PRKN: variants seen among roughly 807,000 people sequenced by gnomAD.
PRKN encodes parkin RBR E3 ubiquitin protein ligase.
Under a neutral mutation model 59.5 loss-of-function variants are expected in PRKN, and 56 were observed. The ratio of observed to expected loss-of-function variants is 0.94; its 90% CI spans 0.76 to 1.18. The LOEUF (loss-of-function observed/expected upper bound fraction) is 1.18. PRKN is among the 50% of genes most tolerant of loss of function. The pLI is 0.00. For missense variants in PRKN, 657 were observed against 596.4 expected (o/e 1.10, Z -1.06); for synonymous variants, 250 against 222.1 (o/e 1.13, Z -1.12).
chr6:161,465,068 G>A (rs1353638052), intron 9 of PRKN, among the ~76,000 whole-genome samples: 1 of 152,206 alleles, frequency 6.6e-6, no homozygotes, highest in Non-Finnish European at 1.5e-5. Context: ...TTCAATCACT[G>A]ACTCTTGCAG....
rs368532739 is a variant in PRKN at position 161,812,151 on chromosome 6, C to T, written c.735-26243G>A. ...CCTACAATCCCAGTGCTTTGGGAAG[C>T]TGAGACGGGAGGACTGCTTGATCCC... On this transcript the variant is annotated intron_variant, in intron 6 of 11. Transcript: ENST00000366898. Among the ~76,000 whole-genome samples the T allele has an allele frequency of 2.6e-5, 4 of 152,182 alleles. No individual in the cohort carries two copies. The East Asian group carries it at 7.7e-4, about 29-fold the overall frequency.
At chr6:162,723,320 T>C (rs1584119623) in intron 1 of PRKN, among the ~76,000 whole-genome samples, 1 of 152,176 alleles carries the variant, frequency 6.6e-6, no homozygotes, top group Non-Finnish European at 1.5e-5. Context: ...AAAGATACTG[T>C]TTTTCATCTG....
chr6:162,500,289 A>C (rs1285802992), intron 1 of PRKN, among the ~76,000 whole-genome samples: 1 of 151,056 alleles, frequency 6.6e-6, no homozygotes, highest in African/African-American at 2.4e-5. Flanking sequence ...CTTGTGCCTC[A>C]GCCTCCTGAG....
At chr6:161,585,410 G>C (rs1194921255) in intron 7 of PRKN, among the ~76,000 whole-genome samples, 1 of 152,178 alleles carries the variant, frequency 6.6e-6, no homozygotes, top group African/African-American at 2.4e-5. Flanking sequence ...CAAATAATCA[G>C]TATTAGTAGA....
At chr6:162,053,573 C>T (rs551205502) in intron 5 of PRKN, among the ~76,000 whole-genome samples, 1 of 152,030 alleles carries the variant, frequency 6.6e-6, no homozygotes, top group African/African-American at 2.4e-5. Context: ...TTACAAAGAA[C>T]AGAGGATGGT....
At chr6:161,543,751 C>A (rs895037447) in intron 9 of PRKN, among the ~76,000 whole-genome samples, 1 of 152,214 alleles carries the variant, frequency 6.6e-6, no homozygotes, top group Non-Finnish European at 1.5e-5. Flanking sequence ...ACATGTAATA[C>A]CCCAAGATAA....
chr6:162,508,420 T>C (rs979957697), intron 1 of PRKN, among the ~76,000 whole-genome samples: 1 of 152,236 alleles, frequency 6.6e-6, no homozygotes, highest in Non-Finnish European at 1.5e-5. Context: ...TAACATGATC[T>C]GCAAAAGCAA....
rs1342248592 is a variant in PRKN at position 161,546,275 on chromosome 6, A to G, written c.1083+2579T>C. ...ATACAGAGTTGCTCATATATACCCTATTTTAGAGATAAGGAAACCGAGAAA... is the reference window on the plus strand; with the variant it reads ...ATACAGAGTTGCTCATATATACCCTGTTTTAGAGATAAGGAAACCGAGAAA... On this transcript the variant is annotated intron_variant, in intron 9 of 11. Coordinates refer to ENST00000366898, the MANE Select transcript of PRKN (RefSeq NM_004562.3). This position sits in a 1 kb window ranked among gnomAD's most constrained non-coding sequence, Gnocchi z 4.4. 6.6e-6 allele frequency among the ~76,000 whole-genome samples: 1 copy of G among 152,184 alleles called. No individual in the cohort carries two copies. The highest frequency in any genetic ancestry group is 1.5e-5 in the Non-Finnish European group (1 of 68,028).
chr6:162,001,489 A>G (rs1272664980), intron 5 of PRKN, among the ~76,000 whole-genome samples: 2 of 151,596 alleles, frequency 1.3e-5, no homozygotes, highest in Non-Finnish European at 2.9e-5. Context: ...TGACGTTTGC[A>G]CATTAAACCT....
chr6:162,580,440 GAAAAA>G (rs56059992), intron 1 of PRKN, among the ~76,000 whole-genome samples: 15,233 of 120,572 alleles, frequency 0.13, 911 homozygotes, highest in Middle Eastern at 0.23. Context: ...CCCTGTCTCA[GAAAAA>G]AAAAAAAAAA....
At chr6:162,723,409 AG>A (rs1429933656) in intron 1 of PRKN, among the ~76,000 whole-genome samples, 1 of 152,220 alleles carries the variant, frequency 6.6e-6, no homozygotes, top group Admixed American at 6.5e-5. Flanking sequence ...AAGGGAGGGC[AG>A]GGCCACCAAG....
chr6:161,367,957 C>T (rs1420677239), intron 10 of PRKN, among the ~76,000 whole-genome samples: 1 of 152,120 alleles, frequency 6.6e-6, no homozygotes, highest in East Asian at 1.9e-4. Flanking sequence ...GGCCTGCGAG[C>T]AGTCGGTTCA....
rs528587415 is a variant in PRKN at position 162,317,659 on chromosome 6, T to C, written c.172-54894A>G. ...TTCTCTCTACAAAGAGCACAATCAC[T>C]GAAAGTAGTCTGCCTGAAGGATAGT... On this transcript the variant is annotated intron_variant, in intron 2 of 11. Transcript: ENST00000366898. Among the ~76,000 whole-genome samples, 213 of 152,148 alleles carry C rather than the reference T, an allele frequency of 1.4e-3. 1 individual carries two copies. The highest frequency in any genetic ancestry group is 2.0e-3 in the Non-Finnish European group (133 of 68,012).
chr6:161,481,867 T>C (rs995287486), intron 9 of PRKN, among the ~76,000 whole-genome samples: 1 of 151,540 alleles, frequency 6.6e-6, no homozygotes, highest in African/African-American at 2.4e-5. Context: ...GTTTGGGCAA[T>C]TTTTCAAAGA....
intron 7 of PRKN, among the ~76,000 whole-genome samples, chr6:161,785,007 C>T (rs745447705): frequency 7.9e-5 from 12 of 152,196 alleles, no homozygotes; most frequent in South Asian, 2.1e-4. Flanking sequence ...AAGGCAGACA[C>T]GAAAGGTCAC....
intron 2 of PRKN, among the ~76,000 whole-genome samples, chr6:162,280,796 C>CAA (rs35943173): frequency 0.34 from 14,161 of 41,158 alleles, 2,972 homozygotes; most frequent in South Asian, 0.46. Flanking sequence ...GACTCCATCT[C>CAA]AAAAAAAAAA....
chr6:161,424,893 G>A (rs1788261740), intron 9 of PRKN, among the ~76,000 whole-genome samples: 1 of 152,152 alleles, frequency 6.6e-6, no homozygotes, highest in Admixed American at 6.5e-5. Flanking sequence ...CAGCAGCCAC[G>A]ATGTGGGAAG....
intron 2 of PRKN, among the ~76,000 whole-genome samples, chr6:162,312,811 G>T (rs1177955125): frequency 6.6e-6 from 1 of 152,062 alleles, no homozygotes; most frequent in Non-Finnish European, 1.5e-5. Context: ...AAGATTCAAG[G>T]ATTTCCCTTG....
chr6:162,192,954 C>G (rs928641857), intron 4 of PRKN, among the ~76,000 whole-genome samples: 1 of 152,140 alleles, frequency 6.6e-6, no homozygotes, highest in Non-Finnish European at 1.5e-5. Flanking sequence ...TAAAGGTACA[C>G]TTGGGGAACT....
Sources: allele counts gnomAD v4.1 joint callset (sites outside exome capture counted in the v4.1 genomes callset), GRCh38; gene constraint gnomAD v4.1.1; non-coding constraint Gnocchi (gnomAD v3.1); transcripts MANE v1.5; gene names NCBI Gene and HGNC (gene_info 2026-07-23, HGNC 2026-07-21).